The following CORO6 variants were observed in gnomAD, a reference collection of about 807,000 sequenced individuals.
CORO6 encodes coronin-6.
CORO6 carries 43 observed loss-of-function variants against 49.0 expected under a neutral mutation model. That is an observed-to-expected ratio of 0.88 (90% CI 0.69 to 1.13). The LOEUF (loss-of-function observed/expected upper bound fraction) is 1.13, where lower values mean the gene tolerates loss of function less well. Ranked by LOEUF, CORO6 falls within the 50% of genes most tolerant of loss-of-function variation. The pLI, the probability that CORO6 is intolerant of heterozygous loss-of-function variation, is 0.00. For missense variants in CORO6, 650 were observed against 647.0 expected (o/e 1.00, Z -0.05); for synonymous variants, 233 against 256.5 (o/e 0.91, Z 0.88).
rs759095626 is a variant in CORO6 at position 29,615,987 on chromosome 17, G to A, written c.1251C>T (p.Ser417=). 15 of 1,581,564 alleles carry A rather than the reference G, an allele frequency of 9.5e-6. No individual in the cohort carries two copies. The Admixed American group carries it at 2.3e-4, about 24-fold the overall frequency. The change falls in exon 10 of 11, where the codon TCC becomes TCT. Residue 417 remains serine (S), a synonymous_variant. Transcript: ENST00000388767. ...KRNILDVRPP[S]GPRRSQSASD... ...TGGCCGACTGGCTGCGGCGGGGGCC[G>A]GAGGGCGGGCGCACGTCCAGGATGT...
chr17:29,618,396 C>T (rs1304373966), intron 5 of CORO6: 1 of 1,285,270 alleles, frequency 7.8e-7, no homozygotes, highest in Admixed American at 3.8e-5. Flanking sequence ...AGGGCCAGCC[C>T]TCGAGCCAGT....
intron 5 of CORO6, 135 bp downstream of exon 5, chr17:29,618,655 A>C: frequency 7.0e-7 from 1 of 1,427,442 alleles, no homozygotes; most frequent in East Asian, 2.5e-5. Context: ...AGACGGGGGA[A>C]GGGGGCTAGT....
chr17:29,620,943 A>G lies in CORO6; in HGVS notation c.198+281T>C, dbSNP rs115017679. 5.1e-3 allele frequency among the ~76,000 whole-genome samples: 780 copies of G among 152,246 alleles called. 8 individuals carry two copies. The highest frequency in any genetic ancestry group is 0.018 in the African/African-American group (734 of 41,516). The stretch of plus-strand genomic sequence containing the variant: ...GCCAGGCTTGGCTGTGCTGTGTCCC[A>G]ACCATCTCCATCACCCGGCTCCCCT... On this transcript the variant is annotated intron_variant, in intron 2 of 10. Coordinates refer to ENST00000388767, the MANE Select transcript of CORO6 (RefSeq NM_032854.4).
chr17:29,621,937 C>T lies in CORO6; in HGVS notation c.-63-453G>A, dbSNP rs923981314. On this transcript the variant is annotated intron_variant, in intron 1 of 10. Coordinates refer to ENST00000388767, the MANE Select transcript of CORO6 (RefSeq NM_032854.4). This position sits in a 1 kb window ranked among gnomAD's most constrained non-coding sequence, Gnocchi z 4.2. ...ACTGCAGCCACCACAGGATACCGAA[C>T]TCGCATCTCTGGAATAGTTCAGGCA... 1 of 164,712 alleles carries T rather than the reference C, an allele frequency of 6.1e-6. No homozygotes were observed. The highest frequency in any genetic ancestry group is 5.6e-5 in the Admixed American group (1 of 17,704). 10.2% of individuals were successfully genotyped at this position (164,712 alleles called of 1,614,324 possible).
chr17:29,616,949 G>A lies in CORO6; in HGVS notation c.847C>T (p.Leu283=). Residue 283 remains leucine, a synonymous_variant, in exon 7 of 11, where the codon CTG becomes TTG. Transcript: ENST00000388767. This position sits in a 1 kb window ranked among gnomAD's most constrained non-coding sequence, Gnocchi z 5.6. Reference sequence around the variant, plus strand: ...CCGGCCGTGAGCACCTTGCCACACAGGTAGACGATGCTGGAGTCGGGATCG... The same window carrying A: ...CCGGCCGTGAGCACCTTGCCACACAAGTAGACGATGCTGGAGTCGGGATCG... ...FYDPDSSIVY[L]CGKGDSSIRY... 6.2e-7 allele frequency: 1 copy of A among 1,613,826 alleles called. No homozygotes were observed. The highest frequency in any genetic ancestry group is 8.5e-7 in the Non-Finnish European group (1 of 1,180,018).
intron 6 of CORO6, 102 bp from the exon 7 acceptor site, chr17:29,617,144 T>C: frequency 6.4e-7 from 1 of 1,573,980 alleles, no homozygotes; most frequent in Non-Finnish European, 8.6e-7. Context: ...CCAAACCCTA[T>C]GCCCCAAACC....
At chr17:29,618,755 A>C in intron 5 of CORO6, 35 bp downstream of exon 5, 1 of 1,605,974 alleles carries the variant, frequency 6.2e-7, no homozygotes, top group Non-Finnish European at 8.5e-7. Flanking sequence ...CCACTGGTCA[A>C]GGGGTTCTGG....
chr17:29,621,513 G>T lies in CORO6; in HGVS notation c.-63-29C>A. The T allele has an allele frequency of 1.3e-6, 2 of 1,533,184 alleles. No individual in the cohort carries two copies. Among genetic ancestry groups the T allele is most frequent in the South Asian group, 1.2e-5 (1 of 82,978 alleles). 95.0% of individuals were successfully genotyped at this position (1,533,184 alleles called of 1,614,324 possible). A position where few individuals can be genotyped will look rare whatever the true frequency, so the allele number is the denominator to read the frequency against. On this transcript the variant is annotated intron_variant, in intron 1 of 10. Transcript: ENST00000388767. The surrounding 1 kb of genome is among the most constrained non-coding windows in gnomAD (Gnocchi z 4.2). ...CGGGAGGGAGGAGGAGTGGAGGGGT[G>T]GCTGATGAGAAGGGTTATGTGGTCA...
chr17:29,618,293 A>G, intron 5 of CORO6: 1 of 1,294,772 alleles, frequency 7.7e-7, no homozygotes, highest in East Asian at 3.1e-5. Context: ...GAGGCTGGCG[A>G]GGCCAGGGCC....
chr17:29,616,918 C>T lies in CORO6; in HGVS notation c.858+20G>A, dbSNP rs368243534. On this transcript the variant is annotated intron_variant, in intron 7 of 10. Transcript: ENST00000388767. This position sits in a 1 kb window ranked among gnomAD's most constrained non-coding sequence, Gnocchi z 5.6. ...ACATCTCCATCCAGTGCCCTGTTCT[C>T]CCTGCCCGGCCGTGAGCACCTTGCC... 2.0e-5 allele frequency: 33 copies of T among 1,613,600 alleles called. No homozygotes were observed. The highest frequency in any genetic ancestry group is 2.7e-5 in the Non-Finnish European group (32 of 1,180,008).
chr17:29,618,055 C>G, intron 5 of CORO6: 1 of 1,500,690 alleles, frequency 6.7e-7, no homozygotes, highest in Non-Finnish European at 8.8e-7. Flanking sequence ...TACCGGGTCC[C>G]AGAGCGCGAG....
chr17:29,619,661 G>A lies in CORO6; in HGVS notation c.311C>T (p.Thr104Ile), dbSNP rs766158357. The A allele has an allele frequency of 6.2e-7, 1 of 1,613,550 alleles. No individual in the cohort carries two copies. The highest frequency in any genetic ancestry group is 1.1e-5 in the South Asian group (1 of 91,052). Residue 104 changes from threonine to isoleucine, a missense_variant, in exon 3 of 11, where the codon ACC becomes ATC. Transcript: ENST00000388767. ...DNVIASASDD[T>I]TIMVWQIPDY... ...CCACCTGGCTCCTACCATGATGGTG[G>A]TGTCGTCTGAGGCACTGGCGATAAC...
Position 29,619,307 on chromosome 17 carries a change from A to AG in CORO6, c.322-119dup, listed in dbSNP as rs937796114. 1.3e-5 allele frequency: 16 copies of AG among 1,265,122 alleles called. No homozygotes were observed. In the African/African-American group the frequency reaches 2.4e-4, roughly 19 times the overall value. The allele number at this position is 1,265,122 out of a possible 1,614,324, so 78.4% of individuals were successfully genotyped here. A position where few individuals can be genotyped will look rare whatever the true frequency, so the allele number is the denominator to read the frequency against. On this transcript the variant is annotated intron_variant, in intron 3 of 10. Transcript: ENST00000388767. ...CTCTTGAGTGGTAAGGGTCAAATAC[A>AG]GGGCAAGATGTGGTGGTGCATGCCT... is the stretch of plus-strand genomic sequence containing the variant.
At position 29,619,049 on chromosome 17, in the gene CORO6, A is replaced by G. The variant is rs757918949; in HGVS notation, c.451+11T>C. The G allele has an allele frequency of 1.9e-6, 3 of 1,611,936 alleles. No homozygotes were observed. Among genetic ancestry groups the G allele is most frequent in the African/African-American group, 2.7e-5 (2 of 74,814 alleles). ...ACCCATCTATGGGGGACCCCTCCTT[A>G]GCCCCCAGACCTGCACTGAGCAGGA... On this transcript the variant is annotated intron_variant, in intron 4 of 10. Coordinates refer to ENST00000388767, the MANE Select transcript of CORO6 (RefSeq NM_032854.4).
In CORO6 at chr17:29,615,726, G is replaced by A. The variant is rs2034828273; in HGVS notation, c.*6C>T. 2 of 1,498,380 alleles carry A rather than the reference G, an allele frequency of 1.3e-6. No individual in the cohort carries two copies. The highest frequency in any genetic ancestry group is 1.8e-6 in the Non-Finnish European group (2 of 1,127,554). The allele number at this position is 1,498,380 out of a possible 1,614,324, so 92.8% of individuals were successfully genotyped here. A position where few individuals can be genotyped will look rare whatever the true frequency, so the allele number is the denominator to read the frequency against. ...CCGCCCCGCTCCGCCTGCCTGGCGCGCGGGGCTAGTCCGTGCCGTCCACCA... is the reference window on the plus strand; with the variant it reads ...CCGCCCCGCTCCGCCTGCCTGGCGCACGGGGCTAGTCCGTGCCGTCCACCA... On this transcript the variant is annotated 3_prime_UTR_variant, in exon 11 of 11. Transcript: ENST00000388767.
In CORO6 at chr17:29,621,646, G is replaced by A. The variant is rs1007025898; in HGVS notation, c.-63-162C>T. 2.8e-5 allele frequency: 20 copies of A among 723,446 alleles called. No individual in the cohort carries two copies. Among genetic ancestry groups the A allele is most frequent in the African/African-American group, 1.1e-4 (6 of 56,158 alleles). 44.8% of individuals were successfully genotyped at this position (723,446 alleles called of 1,614,324 possible). A position where few individuals can be genotyped will look rare whatever the true frequency, so the allele number is the denominator to read the frequency against. ...TTTGCTGTGTAAAATGCTGTTTAAT[G>A]TAAGTGGCTAGGATTTGGGGCCTGA... is the stretch of plus-strand genomic sequence containing the variant. On this transcript the variant is annotated intron_variant, in intron 1 of 10. Coordinates refer to ENST00000388767, the MANE Select transcript of CORO6 (RefSeq NM_032854.4). This position sits in a 1 kb window ranked among gnomAD's most constrained non-coding sequence, Gnocchi z 4.2.
chr17:29,621,139 G>T lies in CORO6; in HGVS notation c.198+85C>A. ...CAGATGCTTCTCCTGACTATGGAATGGAACTAGGTGAGAACAAAGGCTCAG... is the reference window on the plus strand; with the variant it reads ...CAGATGCTTCTCCTGACTATGGAATTGAACTAGGTGAGAACAAAGGCTCAG... On this transcript the variant is annotated intron_variant, in intron 2 of 10. Coordinates refer to ENST00000388767, the MANE Select transcript of CORO6 (RefSeq NM_032854.4). This position sits in a 1 kb window ranked among gnomAD's most constrained non-coding sequence, Gnocchi z 4.2. The T allele has an allele frequency of 6.6e-7, 1 of 1,514,708 alleles. No homozygotes were observed. Among genetic ancestry groups the T allele is most frequent in the Non-Finnish European group, 9.0e-7 (1 of 1,107,622 alleles). The allele number at this position is 1,514,708 out of a possible 1,614,324, so 93.8% of individuals were successfully genotyped here.
At position 29,622,893 on chromosome 17, in the gene CORO6, T is replaced by A. The variant is rs145189449; in HGVS notation, c.-269A>T. Reference sequence around the variant, plus strand: ...GCGCCGCTGCAGCCCCAGCTGCCGCTGCCATCAACCTAAGAGGGCGGGGCT... The same window carrying A: ...GCGCCGCTGCAGCCCCAGCTGCCGCAGCCATCAACCTAAGAGGGCGGGGCT... On this transcript the variant is annotated 5_prime_UTR_variant, in exon 1 of 11. Coordinates refer to ENST00000388767, the MANE Select transcript of CORO6 (RefSeq NM_032854.4). The A allele has an allele frequency of 3.2e-5, 40 of 1,260,380 alleles. No individual in the cohort carries two copies. The highest frequency in any genetic ancestry group is 4.0e-5 in the Non-Finnish European group (39 of 974,358). The allele number at this position is 1,260,380 out of a possible 1,614,324, so 78.1% of individuals were successfully genotyped here. A position where few individuals can be genotyped will look rare whatever the true frequency, so the allele number is the denominator to read the frequency against.
intron 2 of CORO6, 95 bp from the exon 3 acceptor site, chr17:29,619,868 T>C (rs1598644440): frequency 8.5e-7 from 1 of 1,169,994 alleles, no homozygotes; most frequent in East Asian, 2.4e-5. Flanking sequence ...CCTTATTACC[T>C]ATTTTCTCTT....
Sources: gnomAD v4.1 joint callset for allele counts (sites outside exome capture counted in the v4.1 genomes callset) on GRCh38, gnomAD v4.1.1 for gene constraint, Gnocchi (gnomAD v3.1) non-coding constraint, MANE v1.5 for transcripts, NCBI Gene and HGNC (gene_info 2026-07-23, HGNC 2026-07-21) for gene names.